The following EHD4 variants were observed in gnomAD, a reference collection of about 807,000 sequenced individuals.
EHD4 encodes EH domain containing 4.
A neutral mutation model predicts 51.0 loss-of-function variants in EHD4; 37 were observed. That is an observed-to-expected ratio of 0.73 (90% CI 0.56 to 0.95). EHD4 has a LOEUF of 0.95. Ranked by LOEUF, EHD4 falls within the 40% of genes least tolerant of loss-of-function variation. The probability of loss-of-function intolerance (pLI) is 0.00; values close to 1 mark genes in which losing one functional copy is unlikely to be tolerated. For synonymous variants in EHD4, 297 were observed against 317.3 expected (o/e 0.94, Z 0.68); for missense variants, 632 against 733.1 (o/e 0.86, Z 1.59).
Position 41,900,712 on chromosome 15 carries a change from AGCTCGT to A in EHD4, c.1553_1558del (p.Tyr518_Glu519del). ...GAGGTGGGGGGGCAGGCTGCTGGGC[AGCTCGT>A]AGCCGTCGAGCTTGATCTTGATGAG... On this transcript the variant is annotated inframe_deletion, in exon 6 of 6. Transcript: ENST00000220325. This position sits in a 1 kb window ranked among gnomAD's most constrained non-coding sequence, Gnocchi z 4.8. The A allele has an allele frequency of 6.2e-7, 1 of 1,609,898 alleles. No homozygotes were observed. Among genetic ancestry groups the A allele is most frequent in the Non-Finnish European group, 8.5e-7 (1 of 1,179,750 alleles).
At chr15:41,923,646 T>C (rs2067642236) in intron 3 of EHD4, among the ~76,000 whole-genome samples, 1 of 152,206 alleles carries the variant, frequency 6.6e-6, no homozygotes, top group African/African-American at 2.4e-5. Context: ...AGTTTGAGGA[T>C]CACTGTCTAG....
At chr15:41,961,636 T>G (rs771498554) in intron 1 of EHD4, among the ~76,000 whole-genome samples, 4 of 152,258 alleles carry the variant, frequency 2.6e-5, no homozygotes. Flanking sequence ...AAACTCCATA[T>G]CCATTTTGTT....
chr15:41,969,336 C>T lies in EHD4; in HGVS notation c.236+2923G>A, dbSNP rs557040521. On this transcript the variant is annotated intron_variant, in intron 1 of 5. Coordinates refer to ENST00000220325, the MANE Select transcript of EHD4 (RefSeq NM_139265.4). ...CCAAGGCGGGCAAATCACCTGAGGT[C>T]GGGAGTTTGAGACCAGCCTGACCAA... 1.3e-3 allele frequency among the ~76,000 whole-genome samples: 192 copies of T among 152,290 alleles called. 2 individuals are homozygous for T. The highest frequency in any genetic ancestry group is 4.5e-3 in the African/African-American group (186 of 41,548).
At chr15:41,948,633 C>A (rs889029459) in intron 2 of EHD4, among the ~76,000 whole-genome samples, 1 of 152,212 alleles carries the variant, frequency 6.6e-6, no homozygotes, top group Middle Eastern at 3.2e-3. Context: ...TTAATTTCTG[C>A]AGCTAAATTG....
intron 5 of EHD4, among the ~76,000 whole-genome samples, chr15:41,905,646 G>A (rs1345211660): frequency 6.6e-6 from 1 of 152,166 alleles, no homozygotes; most frequent in Non-Finnish European, 1.5e-5. Context: ...CAGTGGGGTT[G>A]CTGTCAATTA....
intron 4 of EHD4, 147 bp downstream of exon 4, chr15:41,919,063 C>T (rs1300203676): frequency 4.7e-6 from 5 of 1,057,002 alleles, no homozygotes; most frequent in Middle Eastern, 3.1e-4. Flanking sequence ...AGCAGGGCCA[C>T]CTGACCTCGA....
At position 41,899,169 on chromosome 15, in the gene EHD4, C is replaced by T. The variant is rs1457311524; in HGVS notation, c.*1476G>A. The T allele has an allele frequency of 3.3e-5, 5 of 152,190 alleles. No homozygotes were observed. Among genetic ancestry groups the T allele is most frequent in the South Asian group, 2.1e-4 (1 of 4,830 alleles). 9.4% of individuals were successfully genotyped at this position (152,190 alleles called of 1,614,324 possible). On this transcript the variant is annotated 3_prime_UTR_variant, in exon 6 of 6. Transcript: ENST00000220325. ...CCATACCATGTGGCCATTGCTGTTTCGTGTCTCTTCCTGCATAAATAATGC... is the reference window on the plus strand; with the variant it reads ...CCATACCATGTGGCCATTGCTGTTTTGTGTCTCTTCCTGCATAAATAATGC...
At chr15:41,971,230 A>G (rs914597118) in intron 1 of EHD4, among the ~76,000 whole-genome samples, 6 of 152,248 alleles carry the variant, frequency 3.9e-5, no homozygotes, top group Non-Finnish European at 5.9e-5. Flanking sequence ...GTATCCAAAT[A>G]TAGATGCAGT....
rs1595545834 is a variant in EHD4 at position 41,959,672 on chromosome 15, T to C, written c.237-5732A>G. On this transcript the variant is annotated intron_variant, in intron 1 of 5. Coordinates refer to ENST00000220325, the MANE Select transcript of EHD4 (RefSeq NM_139265.4). ...TTGATTTGAGCCTGGAAAGATGTTT[T>C]AAGAGCAGTTTCTGGCCGGGCACGG... Among the ~76,000 whole-genome samples, 3 of 151,982 alleles carry C rather than the reference T, an allele frequency of 2.0e-5. No individual in the cohort carries two copies. The South Asian group carries it at 6.2e-4, about 31-fold the overall frequency.
At chr15:41,902,019 T>C (rs1113333) in intron 5 of EHD4, among the ~76,000 whole-genome samples, 87,387 of 152,056 alleles carry the variant, frequency 0.57, 25,676 homozygotes, top group African/African-American at 0.68. Context: ...TAAACGTAGC[T>C]GGTAAGCCTG....
intron 2 of EHD4, among the ~76,000 whole-genome samples, chr15:41,952,783 A>C (rs2067860681): frequency 6.6e-6 from 1 of 151,990 alleles, no homozygotes; most frequent in Non-Finnish European, 1.5e-5. Context: ...TGAGGTCAGG[A>C]GTTTGAGACC....
In EHD4 at chr15:41,896,018, G is replaced by C. The variant is rs546538758; in HGVS notation, c.*4627C>G. 3 of 152,030 alleles carry C rather than the reference G, an allele frequency of 2.0e-5. No homozygotes were observed. The highest frequency in any genetic ancestry group is 4.4e-5 in the Non-Finnish European group (3 of 68,030). The allele number at this position is 152,030 out of a possible 1,614,324, so 9.4% of individuals were successfully genotyped here. A position where few individuals can be genotyped will look rare whatever the true frequency, so the allele number is the denominator to read the frequency against. ...GGGTCTTCTTAGGTTGCCCAGGCTG[G>C]TCTTGAACTCCTGGCCTCAACGATC... On this transcript the variant is annotated 3_prime_UTR_variant, in exon 6 of 6. Coordinates refer to ENST00000220325, the MANE Select transcript of EHD4 (RefSeq NM_139265.4).
rs890879713 is a variant in EHD4 at position 41,972,482 on chromosome 15, T to G, written c.13A>C (p.Met5Leu). MFSW[M>L]GRQAGGRERA... ...TCGCGCCCGCCCGCCTGCCGCCCCATCCAGCTGAACATCCTGCCGCCAGTC... is the reference window on the plus strand; with the variant it reads ...TCGCGCCCGCCCGCCTGCCGCCCCAGCCAGCTGAACATCCTGCCGCCAGTC... Residue 5 changes from methionine to leucine, a missense_variant, in exon 1 of 6, where the codon ATG becomes CTG. By Grantham distance (15) the Met-to-Leu change is conservative. Coordinates refer to ENST00000220325, the MANE Select transcript of EHD4 (RefSeq NM_139265.4). The G allele has an allele frequency of 6.5e-7, 1 of 1,532,756 alleles. No homozygotes were observed. The highest frequency in any genetic ancestry group is 1.4e-5 in the African/African-American group (1 of 70,540). 94.9% of individuals were successfully genotyped at this position (1,532,756 alleles called of 1,614,324 possible).
chr15:41,907,960 C>T (rs561823751), intron 5 of EHD4, among the ~76,000 whole-genome samples: 23 of 151,732 alleles, frequency 1.5e-4, no homozygotes, highest in African/African-American at 5.3e-4. Flanking sequence ...GCAACCTCTG[C>T]CTCCCAGGTT....
chr15:41,947,542 G>A (rs2067823782), intron 2 of EHD4, among the ~76,000 whole-genome samples: 1 of 151,998 alleles, frequency 6.6e-6, no homozygotes, highest in Non-Finnish European at 1.5e-5. Context: ...TATTGATGAG[G>A]GTAAAACCAG....
chr15:41,949,173 C>T (rs2067837031), intron 2 of EHD4, among the ~76,000 whole-genome samples: 1 of 151,226 alleles, frequency 6.6e-6, no homozygotes, highest in African/African-American at 2.4e-5. Flanking sequence ...AATTCAAGAC[C>T]AGCCTCGCCA....
At chr15:41,922,056 T>C (rs2067629181) in intron 3 of EHD4, among the ~76,000 whole-genome samples, 1 of 152,210 alleles carries the variant, frequency 6.6e-6, no homozygotes, top group Non-Finnish European at 1.5e-5. Context: ...TCTTTTCTGC[T>C]TAAATTAGTT....
At chr15:41,919,080 A>C in intron 4 of EHD4, 130 bp downstream of exon 4, 1 of 1,247,956 alleles carries the variant, frequency 8.0e-7, no homozygotes, top group Non-Finnish European at 1.1e-6. Context: ...TCGAGGCTGT[A>C]TTCTTAACCT....
chr15:41,970,919 G>C (rs978798442), intron 1 of EHD4, among the ~76,000 whole-genome samples: 5 of 152,220 alleles, frequency 3.3e-5, no homozygotes, highest in African/African-American at 1.2e-4. Context: ...CAAGGTGCCA[G>C]TTACTGTAAT....
Sources: gnomAD v4.1 joint callset for allele counts (sites outside exome capture counted in the v4.1 genomes callset) on GRCh38, gnomAD v4.1.1 for gene constraint, Gnocchi (gnomAD v3.1) non-coding constraint, MANE v1.5 for transcripts, NCBI Gene and HGNC (gene_info 2026-07-23, HGNC 2026-07-21) for gene names.